The following CPE variants were observed in gnomAD, a reference collection of about 807,000 sequenced individuals.
CPE encodes carboxypeptidase E, also known as carbocypeptidase E.
A neutral mutation model predicts 53.5 loss-of-function variants in CPE; 17 were observed. The observed-to-expected ratio is 0.32, with a 90% CI of 0.22 to 0.48. The LOEUF (loss-of-function observed/expected upper bound fraction) is 0.48, where lower values mean the gene tolerates loss of function less well. Ranked by LOEUF, CPE falls within the 20% of genes least tolerant of loss-of-function variation. The pLI, the probability that CPE is intolerant of heterozygous loss-of-function variation, is 0.99. For synonymous variants in CPE, 226 were observed against 228.8 expected, an observed-to-expected ratio of 0.99 and a Z score of 0.11; for missense variants, 524 against 614.7, an observed-to-expected ratio of 0.85 and a Z score of 1.56.
chr4:165,409,657 TAGC>T (rs762669295), intron 1 of CPE, among the ~76,000 whole-genome samples: 150 of 152,298 alleles, frequency 9.8e-4, no homozygotes, highest in Non-Finnish European at 1.6e-3. Context: ...ATATCAATAA[TAGC>T]AGTATATCAA....
intron 1 of CPE, among the ~76,000 whole-genome samples, chr4:165,395,893 C>A (rs555320676): frequency 4.0e-4 from 61 of 152,254 alleles, no homozygotes; most frequent in African/African-American, 1.5e-3. Flanking sequence ...ATAGACTGGG[C>A]TAATTCTGAT....
At chr4:165,430,992 C>G (rs1192730860) in intron 1 of CPE, among the ~76,000 whole-genome samples, 1 of 152,188 alleles carries the variant, frequency 6.6e-6, no homozygotes, top group East Asian at 1.9e-4. Context: ...TTCCAATAAA[C>G]TCGTCTCACC....
Position 165,391,198 on chromosome 4 carries a change from A to G in CPE, c.307+11670A>G, listed in dbSNP as rs529581245. On this transcript the variant is annotated intron_variant, in intron 1 of 8. Coordinates refer to ENST00000402744, the MANE Select transcript of CPE (RefSeq NM_001873.4). ...ATTGAAGCTGAACTCATTGGATACT[A>G]TAATTTTGTGACCTCTGCATACAGG... Among the ~76,000 whole-genome samples, 11 of 152,272 alleles carry G rather than the reference A, an allele frequency of 7.2e-5. No homozygotes were observed. The East Asian group carries it at 7.7e-4, about 11-fold the overall frequency.
chr4:165,406,888 C>T lies in CPE; in HGVS notation c.307+27360C>T, dbSNP rs539268926. On this transcript the variant is annotated intron_variant, in intron 1 of 8. Coordinates refer to ENST00000402744, the MANE Select transcript of CPE (RefSeq NM_001873.4). ...GATATGTGGTCTTTTGTGGCCGACT[C>T]CTTTAACTTAGCATAATGTTTTCAA... Among the ~76,000 whole-genome samples, 15 of 152,322 alleles carry T rather than the reference C, an allele frequency of 9.8e-5. 1 individual carries two copies. The highest frequency in any genetic ancestry group is 3.3e-4 in the Admixed American group (5 of 15,302).
intron 1 of CPE, among the ~76,000 whole-genome samples, chr4:165,443,947 A>G (rs1194246481): frequency 6.6e-6 from 1 of 152,212 alleles, no homozygotes; most frequent in Non-Finnish European, 1.5e-5. Context: ...CACAGCCAGA[A>G]GGTACCATCT....
At chr4:165,494,144 A>T (rs1732659794) in intron 7 of CPE, among the ~76,000 whole-genome samples, 2 of 152,194 alleles carry the variant, frequency 1.3e-5, no homozygotes, top group Admixed American at 1.3e-4. Flanking sequence ...TCAACAGCCC[A>T]CTAGGTGCCA....
At chr4:165,409,575 A>G (rs986680751) in intron 1 of CPE, among the ~76,000 whole-genome samples, 3 of 152,200 alleles carry the variant, frequency 2.0e-5, no homozygotes, top group Admixed American at 2.0e-4. Context: ...AAAATAAATA[A>G]TGGATTTAAT....
chr4:165,487,517 A>G lies in CPE; in HGVS notation c.1053A>G (p.Glu351=). The change falls in exon 6 of 9, where the codon GAA becomes GAG. Residue 351 remains glutamate, a synonymous_variant. Coordinates refer to ENST00000402744, the MANE Select transcript of CPE (RefSeq NM_001873.4). ...TTAGCTGTGAGAAGTTCCCACCTGA[A>G]GAGACTCTGAAGACCTACTGGGAGG... is the stretch of plus-strand genomic sequence containing the variant. ...VELSCEKFPP[E]ETLKTYWEDN... is the part of the protein sequence containing the mutation. 1 of 1,614,114 alleles carries G rather than the reference A, an allele frequency of 6.2e-7. No individual in the cohort carries two copies. The highest frequency in any genetic ancestry group is 8.5e-7 in the Non-Finnish European group (1 of 1,180,012).
intron 1 of CPE, among the ~76,000 whole-genome samples, chr4:165,395,278 T>C (rs1178209329): frequency 1.3e-5 from 2 of 152,194 alleles, no homozygotes. Flanking sequence ...ATATTATTTG[T>C]GGTGAAAGTA....
intron 3 of CPE, among the ~76,000 whole-genome samples, chr4:165,476,235 G>A (rs1416824898): frequency 1.3e-5 from 2 of 152,192 alleles, no homozygotes; most frequent in South Asian, 2.1e-4. Context: ...CAACTTGAGA[G>A]ATCAAGTGCC....
chr4:165,439,236 C>T (rs375889406), intron 1 of CPE, among the ~76,000 whole-genome samples: 3 of 152,062 alleles, frequency 2.0e-5, no homozygotes, highest in African/African-American at 4.8e-5. Context: ...AGAATAACAA[C>T]GTAAAAAGCA....
At chr4:165,407,745 G>A (rs893658782) in intron 1 of CPE, among the ~76,000 whole-genome samples, 2 of 151,906 alleles carry the variant, frequency 1.3e-5, no homozygotes, top group Admixed American at 6.6e-5. Context: ...TAGTAGAGAC[G>A]GGGTTTTGCC....
At chr4:165,452,315 A>G (rs1731826909) in intron 1 of CPE, among the ~76,000 whole-genome samples, 1 of 152,232 alleles carries the variant, frequency 6.6e-6, no homozygotes, top group Non-Finnish European at 1.5e-5. Flanking sequence ...CACAAAGAAA[A>G]GATAAATGTT....
Position 165,487,372 on chromosome 4 carries a change from G to T in CPE, c.974-66G>T. 2.5e-6 allele frequency: 4 copies of T among 1,597,064 alleles called. No homozygotes were observed. The Admixed American group carries it at 5.1e-5, about 20-fold the overall frequency. On this transcript the variant is annotated intron_variant, in intron 5 of 8. Transcript: ENST00000402744. ...CTTTTACTTGGTTCTTGATTCAGAA[G>T]ACTAGCCTGTGTAGAGTTTTAGGCT...
chr4:165,477,573 C>G (rs1198243067), intron 3 of CPE, among the ~76,000 whole-genome samples: 1 of 152,156 alleles, frequency 6.6e-6, no homozygotes, highest in South Asian at 2.1e-4. Flanking sequence ...ATACATTCCT[C>G]TTCCCTCTTC....
At chr4:165,405,650 G>A (rs12503586) in intron 1 of CPE, 1 of 777,260 alleles carries the variant, frequency 1.3e-6, no homozygotes. Flanking sequence ...ACTTCTTCTA[G>A]GTATTTGATT....
intron 1 of CPE, among the ~76,000 whole-genome samples, chr4:165,413,523 T>C (rs1731073556): frequency 6.6e-6 from 1 of 151,056 alleles, no homozygotes; most frequent in South Asian, 2.1e-4. Flanking sequence ...TTTGGACTCA[T>C]AGCTCTTAGC....
At chr4:165,457,698 T>C (rs905091593) in intron 1 of CPE, among the ~76,000 whole-genome samples, 2 of 152,242 alleles carry the variant, frequency 1.3e-5, no homozygotes, top group African/African-American at 4.8e-5. Context: ...ACTTTTAAGA[T>C]ATCATGTTGA....
At chr4:165,459,675 G>GGC (rs945463810) in intron 1 of CPE, among the ~76,000 whole-genome samples, 2 of 81,642 alleles carry the variant, frequency 2.4e-5, no homozygotes, top group Non-Finnish European at 4.5e-5. Flanking sequence ...AGGGCTGGGT[G>GGC]GGGGGGGGCG....
Sources: gnomAD v4.1 joint callset for allele counts (sites outside exome capture counted in the v4.1 genomes callset) on GRCh38, gnomAD v4.1.1 for gene constraint, MANE v1.5 for transcripts, NCBI Gene and HGNC (gene_info 2026-07-23, HGNC 2026-07-21) for gene names.